The following TMEM117 variants were observed in gnomAD, a reference collection of about 807,000 sequenced individuals.
The protein encoded by TMEM117 is transmembrane protein 117.
A neutral mutation model predicts 52.4 loss-of-function variants in TMEM117; 27 were observed. The ratio of observed to expected loss-of-function variants is 0.51; its 90% CI spans 0.38 to 0.71. The LOEUF is 0.71. Ranked by LOEUF, TMEM117 falls within the 30% of genes least tolerant of loss-of-function variation. The pLI, the probability that TMEM117 is intolerant of heterozygous loss-of-function variation, is 0.00. For missense variants in TMEM117, 556 were observed against 630.5 expected (o/e 0.88, Z 1.26); for synonymous variants, 215 against 206.3 (o/e 1.04, Z -0.36).
chr12:43,800,516 CATT>C, the TMEM117 span: 2 of 1,613,376 alleles, frequency 1.2e-6, no homozygotes, highest in Non-Finnish European at 1.7e-6. Context: ...CTGCATACAA[CATT>C]TTTTGACGAA....
chr12:43,943,690 G>C (rs947150034), intron 2 of TMEM117, among the ~76,000 whole-genome samples: 5 of 152,150 alleles, frequency 3.3e-5, no homozygotes, highest in African/African-American at 1.2e-4. Context: ...AGGCTAAGCT[G>C]CATGTTTTAT....
At chr12:43,893,265 G>A (rs552838151) in intron 2 of TMEM117, among the ~76,000 whole-genome samples, 8 of 152,266 alleles carry the variant, frequency 5.3e-5, no homozygotes, top group African/African-American at 1.9e-4. Flanking sequence ...AACTGTAAGA[G>A]AACAAGAATG....
intron 3 of TMEM117, among the ~76,000 whole-genome samples, chr12:44,105,529 C>T (rs919210189): frequency 2.0e-5 from 3 of 151,632 alleles, no homozygotes; most frequent in African/African-American, 4.9e-5. Context: ...ACCTGGTAAT[C>T]ATGCATTGGA....
intron 5 of TMEM117, among the ~76,000 whole-genome samples, chr12:44,280,840 A>T (rs1950568130): frequency 6.6e-6 from 1 of 152,344 alleles, no homozygotes; most frequent in South Asian, 2.1e-4. Flanking sequence ...TGATGAAATT[A>T]TACTTTTTAT....
intron 3 of TMEM117, among the ~76,000 whole-genome samples, chr12:43,971,387 G>A (rs531507958): frequency 7.9e-5 from 12 of 152,096 alleles, no homozygotes; most frequent in South Asian, 2.1e-4. Flanking sequence ...TCTAAGTAAC[G>A]GCCCCAGCTT....
intron 6 of TMEM117, chr12:44,318,365 C>T (rs184398639): frequency 6.6e-6 from 1 of 152,110 alleles, no homozygotes; most frequent in Non-Finnish European, 1.5e-5. Flanking sequence ...AATCTATGTA[C>T]GTTAAGGTGA....
chr12:43,862,662 G>C (rs1592315053), intron 2 of TMEM117, among the ~76,000 whole-genome samples: 1 of 152,242 alleles, frequency 6.6e-6, no homozygotes, highest in Non-Finnish European at 1.5e-5. Context: ...AGCTGTGACA[G>C]AAAATGCCTG....
chr12:44,308,246 A>T (rs1259916851), intron 6 of TMEM117, among the ~76,000 whole-genome samples: 1 of 152,178 alleles, frequency 6.6e-6, no homozygotes, highest in Non-Finnish European at 1.5e-5. Context: ...ATGGGCAGGA[A>T]TTTTTTCAAA....
chr12:44,282,549 G>T (rs1376352639), intron 5 of TMEM117, among the ~76,000 whole-genome samples: 1 of 152,194 alleles, frequency 6.6e-6, no homozygotes, highest in Non-Finnish European at 1.5e-5. Context: ...CTGCCCTAGA[G>T]ATCTGTGGAA....
intron 2 of TMEM117, among the ~76,000 whole-genome samples, chr12:43,859,621 G>A (rs1943455668): frequency 6.6e-6 from 1 of 152,190 alleles, no homozygotes; most frequent in East Asian, 1.9e-4. Context: ...CCTTGAGGCA[G>A]GGAGGTGTGC....
At position 44,272,698 on chromosome 12, in the gene TMEM117, G is replaced by C. The variant is rs372200182; in HGVS notation, c.609-26882G>C. 1.7e-4 allele frequency among the ~76,000 whole-genome samples: 26 copies of C among 152,168 alleles called. No individual in the cohort carries two copies. In the South Asian group the frequency reaches 5.0e-3, roughly 29 times the overall value. On this transcript the variant is annotated intron_variant, in intron 5 of 7. Coordinates refer to ENST00000266534, the MANE Select transcript of TMEM117 (RefSeq NM_032256.3). ...ACCATCTCACACCAGTTAGAATGGC[G>C]ATCATTAAAAAGTCAGGAAATAACA...
chr12:44,283,019 G>T (rs2138600024), intron 5 of TMEM117, among the ~76,000 whole-genome samples: 1 of 152,364 alleles, frequency 6.6e-6, no homozygotes, highest in South Asian at 2.1e-4. Context: ...CCCAAACTTT[G>T]GCAGCTCCCA....
In TMEM117 at chr12:44,383,249, T is replaced by C. The variant is rs562793157; in HGVS notation, c.899-4777T>C. Among the ~76,000 whole-genome samples the C allele has an allele frequency of 1.6e-3, 239 of 152,266 alleles. 3 individuals are homozygous for C. The highest frequency in any genetic ancestry group is 5.4e-3 in the African/African-American group (223 of 41,546). ...AAAATATTATATTTGCATATTTCAG[T>C]CATGAAAAGTTCATTATATGGTGGA... On this transcript the variant is annotated intron_variant, in intron 7 of 7. Coordinates refer to ENST00000266534, the MANE Select transcript of TMEM117 (RefSeq NM_032256.3).
At chr12:44,228,425 C>T (rs1422167925) in intron 5 of TMEM117, among the ~76,000 whole-genome samples, 1 of 152,084 alleles carries the variant, frequency 6.6e-6, no homozygotes, top group African/African-American at 2.4e-5. Context: ...AGGTATCGAA[C>T]ATATGTGGAA....
intron 4 of TMEM117, among the ~76,000 whole-genome samples, chr12:44,164,803 T>C (rs1282016630): frequency 6.6e-6 from 1 of 152,186 alleles, no homozygotes; most frequent in Non-Finnish European, 1.5e-5. Flanking sequence ...TGATATACAA[T>C]ATTTGTACAT....
chr12:44,177,630 G>A lies in TMEM117; in HGVS notation c.511-33660G>A, dbSNP rs116074662. 5.4e-3 allele frequency among the ~76,000 whole-genome samples: 828 copies of A among 152,118 alleles called. 11 individuals carry two copies. Among genetic ancestry groups the A allele is most frequent in the African/African-American group, 0.018 (764 of 41,506 alleles). On this transcript the variant is annotated intron_variant, in intron 4 of 7. Coordinates refer to ENST00000266534, the MANE Select transcript of TMEM117 (RefSeq NM_032256.3). Reference sequence around the variant, plus strand: ...TCTCATTCTATTCACCATGCTTCAGGAAAGTTATTAATAACTCAATCTTCA... The same window carrying A: ...TCTCATTCTATTCACCATGCTTCAGAAAAGTTATTAATAACTCAATCTTCA...
At chr12:44,379,187 A>AAAGG (rs796991000) in intron 7 of TMEM117, among the ~76,000 whole-genome samples, 47 of 150,722 alleles carry the variant, frequency 3.1e-4, no homozygotes, top group Middle Eastern at 3.4e-3. Context: ...AGGAAGGAAG[A>AAAGG]AAGGAAGGAA....
At chr12:43,925,535 C>T (rs184350248) in intron 2 of TMEM117, among the ~76,000 whole-genome samples, 12 of 152,174 alleles carry the variant, frequency 7.9e-5, no homozygotes, top group African/African-American at 1.2e-4. Flanking sequence ...GCTAGTGCTC[C>T]GCCACAGCTG....
At chr12:43,800,843 C>A in the TMEM117 span, among the ~76,000 whole-genome samples, 1,320 of 152,216 alleles carry the variant, frequency 8.7e-3, 17 homozygotes, top group African/African-American at 0.029. Context: ...CTCTGCCTCC[C>A]AGGTTCAAGT....
Sources: allele counts gnomAD v4.1 joint callset (sites outside exome capture counted in the v4.1 genomes callset), GRCh38; gene constraint gnomAD v4.1.1; transcripts MANE v1.5; gene names NCBI Gene and HGNC (gene_info 2026-07-23, HGNC 2026-07-21).